Variants in PARD3B observed in about 807,000 individuals in gnomAD.
PARD3B encodes partitioning defective 3 homolog B.
A neutral mutation model predicts 130.2 loss-of-function variants in PARD3B; 103 were observed. The ratio of observed to expected loss-of-function variants is 0.79; its 90% CI spans 0.67 to 0.93. The LOEUF is 0.93. Ranked by LOEUF, PARD3B falls within the 40% of genes least tolerant of loss-of-function variation. The pLI, the probability that PARD3B is intolerant of heterozygous loss-of-function variation, is 0.00. For synonymous variants in PARD3B, 583 were observed against 553.2 expected (o/e 1.05, Z -0.76); for missense variants, 1,609 against 1,499.2 (o/e 1.07, Z -1.21).
chr2:205,204,700 T>C (rs1158423695), intron 15 of PARD3B, among the ~76,000 whole-genome samples: 2 of 152,222 alleles, frequency 1.3e-5, no homozygotes, highest in African/African-American at 4.8e-5. Flanking sequence ...ATTTATTAAA[T>C]AGGGAATCCT....
At chr2:204,966,902 A>G (rs1253333670) in intron 3 of PARD3B, among the ~76,000 whole-genome samples, 2 of 152,180 alleles carry the variant, frequency 1.3e-5, no homozygotes, top group African/African-American at 2.4e-5. Context: ...ATACTTAATT[A>G]GTCGGCTTTT....
At chr2:205,415,448 A>T (rs558000443) in intron 19 of PARD3B, among the ~76,000 whole-genome samples, 1 of 152,264 alleles carries the variant, frequency 6.6e-6, no homozygotes, top group Non-Finnish European at 1.5e-5. Flanking sequence ...AACATAACTC[A>T]TTTCACCAGC....
chr2:204,635,469 C>T (rs1482008613), intron 1 of PARD3B, among the ~76,000 whole-genome samples: 1 of 152,186 alleles, frequency 6.6e-6, no homozygotes, highest in Non-Finnish European at 1.5e-5. Context: ...TTTCTATTTG[C>T]AGACTCTTCT....
At chr2:204,699,536 G>T (rs1210141143) in intron 2 of PARD3B, among the ~76,000 whole-genome samples, 1 of 152,060 alleles carries the variant, frequency 6.6e-6, no homozygotes, top group African/African-American at 2.4e-5. Flanking sequence ...CGGAGGATTT[G>T]TAAGAACACT....
rs1354278219 is a variant in PARD3B, at chr2:205,592,181, A to G, written c.3261-23275A>G. On this transcript the variant is annotated intron_variant, in intron 22 of 22. Transcript: ENST00000406610. This position sits in a 1 kb window ranked among gnomAD's most constrained non-coding sequence, Gnocchi z 4.5. ...CAGAGAAGTTTCTCATTCAAAGCCA[A>G]TGGCAGAGCTGGAACTTGAACCCAG... Among the ~76,000 whole-genome samples, 2 of 152,216 alleles carry G rather than the reference A, an allele frequency of 1.3e-5. No homozygotes were observed. The highest frequency in any genetic ancestry group is 2.9e-5 in the Non-Finnish European group (2 of 68,036).
chr2:205,117,771 T>C (rs954963525), intron 6 of PARD3B, among the ~76,000 whole-genome samples: 32 of 152,198 alleles, frequency 2.1e-4, no homozygotes, highest in Non-Finnish European at 3.8e-4. Flanking sequence ...TTTCTTACTC[T>C]GGACACAGCT....
At position 205,535,236 on chromosome 2, in the gene PARD3B, C is replaced by T. The variant is rs535387368; in HGVS notation, c.3181-18088C>T. On this transcript the variant is annotated intron_variant, in intron 21 of 22. Transcript: ENST00000406610. ...ATCATGTACATCACAGACATCTAAG[C>T]CCGGTCTTTCCTTTAACACACACTC... is the stretch of plus-strand genomic sequence containing the variant. Among the ~76,000 whole-genome samples, 53 of 152,278 alleles carry T rather than the reference C, an allele frequency of 3.5e-4. 1 individual carries two copies. The South Asian group carries it at 0.011, about 30-fold the overall frequency.
intron 2 of PARD3B, among the ~76,000 whole-genome samples, chr2:204,944,065 A>G (rs1689123673): frequency 6.6e-6 from 1 of 152,252 alleles, no homozygotes; most frequent in African/African-American, 2.4e-5. Flanking sequence ...AGACAAGAGA[A>G]GATAATCTGA....
Position 204,643,541 on chromosome 2 carries a change from G to T in PARD3B, c.121-42640G>T, listed in dbSNP as rs142028363. 9.6e-3 allele frequency among the ~76,000 whole-genome samples: 1,468 copies of T among 152,244 alleles called. 14 individuals carry two copies. Among genetic ancestry groups the T allele is most frequent in the Non-Finnish European group, 0.016 (1,102 of 68,016 alleles). ...TGTGACTCATGGGGCCACATGCAAC[G>T]CAGGACGGCTTTGAATGAGGCCCAA... On this transcript the variant is annotated intron_variant, in intron 1 of 22. Coordinates refer to ENST00000406610, the MANE Select transcript of PARD3B (RefSeq NM_001302769.2).
chr2:205,052,419 G>GTATATATATATATA (rs869192541), intron 4 of PARD3B, among the ~76,000 whole-genome samples: 4 of 39,762 alleles, frequency 1.0e-4, no homozygotes, highest in Non-Finnish European at 1.4e-4. Flanking sequence ...ATATATATAT[G>GTATATATATATATA]TATATATATA....
At chr2:204,782,191 G>A (rs981219794) in intron 2 of PARD3B, among the ~76,000 whole-genome samples, 9 of 152,038 alleles carry the variant, frequency 5.9e-5, no homozygotes, top group African/African-American at 9.7e-5. Flanking sequence ...TGGTTCTCTG[G>A]CATGCTACAG....
chr2:205,579,759 C>A (rs1227999192), intron 22 of PARD3B, among the ~76,000 whole-genome samples: 1 of 152,176 alleles, frequency 6.6e-6, no homozygotes, highest in East Asian at 1.9e-4. Flanking sequence ...ATTTCAACTA[C>A]CTATGTTTAT....
At chr2:205,225,705 G>A (rs1048362958) in intron 15 of PARD3B, among the ~76,000 whole-genome samples, 1 of 152,118 alleles carries the variant, frequency 6.6e-6, no homozygotes, top group African/African-American at 2.4e-5. Context: ...TTACATGTCA[G>A]ACCAGGATAA....
chr2:204,717,563 A>G (rs537271848), intron 2 of PARD3B, among the ~76,000 whole-genome samples: 3 of 152,180 alleles, frequency 2.0e-5, no homozygotes, highest in African/African-American at 7.2e-5. Context: ...AGAAGATTGG[A>G]ATTGTTTAGG....
At chr2:205,196,090 GA>G (rs1388927615) in intron 15 of PARD3B, among the ~76,000 whole-genome samples, 2 of 152,028 alleles carry the variant, frequency 1.3e-5, no homozygotes, top group African/African-American at 4.8e-5. Flanking sequence ...TTCCAATTAA[GA>G]AAAAATAAAG....
At chr2:204,944,342 G>A (rs1689145191) in intron 2 of PARD3B, among the ~76,000 whole-genome samples, 1 of 152,174 alleles carries the variant, frequency 6.6e-6, no homozygotes, top group Non-Finnish European at 1.5e-5. Flanking sequence ...GGGGCCTCCT[G>A]TCAATGGCTT....
At chr2:205,020,333 A>T (rs1052873955) in intron 3 of PARD3B, among the ~76,000 whole-genome samples, 1 of 152,040 alleles carries the variant, frequency 6.6e-6, no homozygotes, top group African/African-American at 2.4e-5. Context: ...CATTCACATT[A>T]TTTTATATGT....
At chr2:205,427,402 T>C (rs2047179803) in intron 19 of PARD3B, among the ~76,000 whole-genome samples, 1 of 152,176 alleles carries the variant, frequency 6.6e-6, no homozygotes, top group Non-Finnish European at 1.5e-5. Flanking sequence ...AACAAAAGCA[T>C]GTCCACACAG....
chr2:204,749,098 C>T (rs2040360128), intron 2 of PARD3B, among the ~76,000 whole-genome samples: 1 of 151,762 alleles, frequency 6.6e-6, no homozygotes, highest in African/African-American at 2.4e-5. Flanking sequence ...CCCCCTAACA[C>T]CCCCAAACTG....
Sources: gnomAD v4.1 joint callset for allele counts (sites outside exome capture counted in the v4.1 genomes callset) on GRCh38, gnomAD v4.1.1 for gene constraint, Gnocchi (gnomAD v3.1) non-coding constraint, MANE v1.5 for transcripts, NCBI Gene and HGNC (gene_info 2026-07-23, HGNC 2026-07-21) for gene names.